The following SCAPER variants were observed in gnomAD, a reference collection of about 807,000 sequenced individuals.
SCAPER encodes the protein S-phase cyclin A associated protein in the ER, also known as S phase cyclin A-associated protein in the endoplasmic reticulum.
In SCAPER, 98 loss-of-function variants were observed where a neutral mutation model predicts 182.2. That is an observed-to-expected ratio of 0.54 (90% confidence interval 0.46 to 0.64). The LOEUF (loss-of-function observed/expected upper bound fraction) is 0.64. Ranked by LOEUF, SCAPER falls within the 30% of genes least tolerant of loss-of-function variation. The pLI is 0.00. For missense variants in SCAPER, 1,432 were observed against 1,690.0 expected, an observed-to-expected ratio of 0.85 and a Z score of 2.68; for synonymous variants, 605 against 564.6, an observed-to-expected ratio of 1.07 and a Z score of -1.01.
chr15:76,471,260 A>G lies in SCAPER; in HGVS notation c.3030T>C (p.Phe1010=). ...CCATTAAGAAGGTAATCTTGTTACTAAACAGAACATCACTGCAGTTTTCTG... is the reference window on the plus strand; with the variant it reads ...CCATTAAGAAGGTAATCTTGTTACTGAACAGAACATCACTGCAGTTTTCTG... ...NCSENCSDVL[F]SNKITFLMDL... The change falls in exon 25 of 32, where the codon TTT becomes TTC. Residue 1010 remains phenylalanine (F), a synonymous_variant. Transcript: ENST00000563290. 1 of 1,612,720 alleles carries G rather than the reference A, an allele frequency of 6.2e-7. No homozygotes were observed. Among genetic ancestry groups the G allele is most frequent in the Non-Finnish European group, 8.5e-7 (1 of 1,179,200 alleles).
At chr15:76,588,130 G>A (rs1480976818) in intron 22 of SCAPER, among the ~76,000 whole-genome samples, 1 of 152,070 alleles carries the variant, frequency 6.6e-6, no homozygotes, top group African/African-American at 2.4e-5. Context: ...CACCGTGTTA[G>A]CCAGAATGGT....
intron 25 of SCAPER, among the ~76,000 whole-genome samples, chr15:76,470,137 C>G (rs973202437): frequency 2.0e-5 from 3 of 152,072 alleles, no homozygotes; most frequent in Non-Finnish European, 2.9e-5. Flanking sequence ...TGTGATGTAT[C>G]AAAATTCATT....
chr15:76,742,466 TAAAAAAAAAAAAAAAA>T (rs55751202), intron 15 of SCAPER, among the ~76,000 whole-genome samples: 1 of 37,026 alleles, frequency 2.7e-5, no homozygotes, highest in Admixed American at 5.2e-4. Flanking sequence ...TGTCTTTTCC[TAAAAAAAAAAAAAAAA>T]AAAAAAAAAA....
At chr15:76,358,406 T>G (rs2041158811) in intron 29 of SCAPER, among the ~76,000 whole-genome samples, 1 of 152,258 alleles carries the variant, frequency 6.6e-6, no homozygotes, top group Non-Finnish European at 1.5e-5. Flanking sequence ...TGGCTTGGGC[T>G]GCCATAACAA....
chr15:76,510,998 G>C (rs1300582195), intron 23 of SCAPER, among the ~76,000 whole-genome samples: 1 of 152,216 alleles, frequency 6.6e-6, no homozygotes, highest in Non-Finnish European at 1.5e-5. Context: ...AAGTAACTCA[G>C]GGATGGAAAA....
In SCAPER at chr15:76,746,795, A is replaced by G. The variant is rs6495215; in HGVS notation, c.1866+7013T>C. On this transcript the variant is annotated intron_variant, in intron 15 of 31. Coordinates refer to ENST00000563290, the MANE Select transcript of SCAPER (RefSeq NM_020843.4). ...TAATTGCATCCAAAAGAACACTTAC[A>G]AATAAATTTAAACAAAGCAGTGAAA... Among the ~76,000 whole-genome samples, 1,241 of 152,350 alleles carry G rather than the reference A, an allele frequency of 8.1e-3. 13 individuals carry two copies. The highest frequency in any genetic ancestry group is 0.028 in the African/African-American group (1,177 of 41,572).
rs1281946662 is a variant in SCAPER at position 76,665,714 on chromosome 15, C to T, written c.2584G>A (p.Gly862Arg). 1 of 1,566,018 alleles carries T rather than the reference C, an allele frequency of 6.4e-7. No individual in the cohort carries two copies. Among genetic ancestry groups the T allele is most frequent in the Non-Finnish European group, 8.7e-7 (1 of 1,155,020 alleles). ...STAPAEALKD[G>R]EERQKNKKKA... ...TTTTTATTTTTTTGCCGCTCTTCTC[C>T]ATCTTTCAAAGCTTCTGCTGGAGCT... The change falls in exon 21 of 32, where the codon GGA (glycine) becomes AGA (arginine). Residue 862 changes from glycine (G) to arginine (R), a missense_variant. Physicochemically the swap from Gly to Arg is moderately radical, Grantham distance 125 (BLOSUM62 -2). Transcript: ENST00000563290.
At chr15:76,860,463 G>A (rs1424964771) in intron 3 of SCAPER, among the ~76,000 whole-genome samples, 2 of 152,002 alleles carry the variant, frequency 1.3e-5, no homozygotes, top group Non-Finnish European at 2.9e-5. Context: ...AAGCTACAGG[G>A]GAAGACAGGT....
intron 30 of SCAPER, 91 bp from the exon 31 acceptor site, chr15:76,351,379 A>C (rs1596258731): frequency 8.0e-6 from 9 of 1,119,030 alleles, no homozygotes; most frequent in Non-Finnish European, 1.0e-5. Flanking sequence ...GATTCATGCA[A>C]CCACTTTTGT....
chr15:76,583,815 G>C (rs1366463495), intron 22 of SCAPER, among the ~76,000 whole-genome samples: 1 of 152,192 alleles, frequency 6.6e-6, no homozygotes, highest in East Asian at 1.9e-4. Flanking sequence ...TGCACTGTTG[G>C]TGGGAATGTA....
chr15:76,440,907 GTTT>G (rs1225009824), intron 25 of SCAPER, among the ~76,000 whole-genome samples: 2 of 82,818 alleles, frequency 2.4e-5, no homozygotes, highest in African/African-American at 4.4e-5. Context: ...TCCCCTTCTG[GTTT>G]TTTTTTTGTT....
In SCAPER at chr15:76,652,295, T is replaced by A. The variant is rs1406820597; in HGVS notation, c.2645+13358A>T. On this transcript the variant is annotated intron_variant, in intron 21 of 31. Coordinates refer to ENST00000563290, the MANE Select transcript of SCAPER (RefSeq NM_020843.4). ...AAAAATATATATATATATATATATATATATATATATATATACACACACACA... is the reference window on the plus strand; with the variant it reads ...AAAAATATATATATATATATATATAAATATATATATATATACACACACACA... Among the ~76,000 whole-genome samples, 10 of 28,000 alleles carry A rather than the reference T, an allele frequency of 3.6e-4. 1 individual carries two copies. The highest frequency in any genetic ancestry group is 1.9e-3 in the South Asian group (1 of 514). The allele number at this position is 28,000 out of a possible 152,430, so 18.4% of individuals were successfully genotyped here.
intron 26 of SCAPER, among the ~76,000 whole-genome samples, chr15:76,415,542 T>C (rs1163488299): frequency 6.6e-6 from 1 of 152,166 alleles, no homozygotes; most frequent in Non-Finnish European, 1.5e-5. Flanking sequence ...ATGAATCAGC[T>C]AGATCTATAT....
At chr15:76,623,850 C>A (rs1323582998) in intron 21 of SCAPER, among the ~76,000 whole-genome samples, 1 of 149,604 alleles carries the variant, frequency 6.7e-6, no homozygotes. Context: ...TCAATAAAAT[C>A]CAACATCCCT....
intron 26 of SCAPER, among the ~76,000 whole-genome samples, chr15:76,429,988 C>T (rs2046757323): frequency 2.0e-5 from 3 of 152,124 alleles, no homozygotes; most frequent in Admixed American, 2.0e-4. Context: ...AGTCTAGGGA[C>T]TTGGTACCTT....
intron 23 of SCAPER, among the ~76,000 whole-genome samples, chr15:76,546,320 A>G (rs1464794627): frequency 1.3e-5 from 2 of 152,148 alleles, no homozygotes; most frequent in Non-Finnish European, 2.9e-5. Flanking sequence ...AAGATAATAT[A>G]ACCAAAATCT....
At chr15:76,402,142 AAAACAAACAAAC>A (rs376078898) in intron 27 of SCAPER, among the ~76,000 whole-genome samples, 1 of 152,148 alleles carries the variant, frequency 6.6e-6, no homozygotes, top group Non-Finnish European at 1.5e-5. Flanking sequence ...AAAACAAAAC[AAAACAAACAAAC>A]AAACAAACAA....
At chr15:76,531,908 A>C (rs1334173736) in intron 23 of SCAPER, among the ~76,000 whole-genome samples, 1 of 152,224 alleles carries the variant, frequency 6.6e-6, no homozygotes, top group Non-Finnish European at 1.5e-5. Context: ...AAAGAAGCTA[A>C]GATCATCAAA....
intron 20 of SCAPER, among the ~76,000 whole-genome samples, chr15:76,694,978 T>C (rs1028407418): frequency 6.6e-6 from 1 of 152,060 alleles, no homozygotes; most frequent in East Asian, 1.9e-4. Flanking sequence ...TCAACACAAA[T>C]TAATAACGAT....
Sources: allele counts gnomAD v4.1 joint callset (sites outside exome capture counted in the v4.1 genomes callset), GRCh38; gene constraint gnomAD v4.1.1; transcripts MANE v1.5; gene names NCBI Gene and HGNC (gene_info 2026-07-23, HGNC 2026-07-21).